Variants in ITGB5 observed in about 807,000 individuals in gnomAD.
The protein encoded by ITGB5 is integrin beta-5.
ITGB5 carries 38 observed loss-of-function variants against 84.8 expected under a neutral mutation model. That is an observed-to-expected ratio of 0.45 (90% CI 0.35 to 0.59). The LOEUF (loss-of-function observed/expected upper bound fraction) is 0.59. Ranked by LOEUF, ITGB5 falls within the 20% of genes least tolerant of loss-of-function variation. The pLI is 0.01. For missense variants in ITGB5, 905 were observed against 1,034.5 expected, an observed-to-expected ratio of 0.87 and a Z score of 1.72; for synonymous variants, 393 against 414.4, an observed-to-expected ratio of 0.95 and a Z score of 0.63.
intron 1 of ITGB5, among the ~76,000 whole-genome samples, chr3:124,886,607 C>G (rs999754468): frequency 1.3e-5 from 2 of 152,098 alleles, no homozygotes; most frequent in Non-Finnish European, 1.5e-5. Context: ...GAGCCCGGGC[C>G]CCAAGGCAGG....
At chr3:124,860,998 C>G (rs1270482011) in intron 2 of ITGB5, among the ~76,000 whole-genome samples, 1 of 152,126 alleles carries the variant, frequency 6.6e-6, no homozygotes, top group Non-Finnish European at 1.5e-5. Flanking sequence ...GCTGGGAGTT[C>G]AACGCTGCAG....
intron 4 of ITGB5, among the ~76,000 whole-genome samples, chr3:124,841,983 A>G (rs2107594934): frequency 6.6e-6 from 1 of 152,336 alleles, no homozygotes; most frequent in Middle Eastern, 3.4e-3. Context: ...TACTCCATGC[A>G]ACCAGCTTCT....
At chr3:124,838,760 C>A (rs571987331) in intron 5 of ITGB5, among the ~76,000 whole-genome samples, 1 of 152,240 alleles carries the variant, frequency 6.6e-6, no homozygotes, top group East Asian at 1.9e-4. Context: ...TGCCACCACG[C>A]CCGGCTAATT....
At chr3:124,788,925 A>G (rs543296164) in intron 10 of ITGB5, among the ~76,000 whole-genome samples, 10 of 152,192 alleles carry the variant, frequency 6.6e-5, no homozygotes, top group Non-Finnish European at 1.5e-4. Flanking sequence ...AGGTACTTTT[A>G]GCTCAGACCT....
chr3:124,774,366 A>G (rs750631461), intron 10 of ITGB5, among the ~76,000 whole-genome samples: 5 of 152,116 alleles, frequency 3.3e-5, no homozygotes, highest in Non-Finnish European at 5.9e-5. Flanking sequence ...TGTAATCACC[A>G]AGGTTCTTCT....
At chr3:124,819,121 G>A (rs1294712517) in intron 7 of ITGB5, among the ~76,000 whole-genome samples, 3 of 152,100 alleles carry the variant, frequency 2.0e-5, no homozygotes, top group Admixed American at 6.5e-5. Context: ...AGTTTCTTTA[G>A]ACGGAACAGA....
At chr3:124,824,412 G>C (rs888359736) in intron 5 of ITGB5, among the ~76,000 whole-genome samples, 1 of 152,132 alleles carries the variant, frequency 6.6e-6, no homozygotes, top group Non-Finnish European at 1.5e-5. Context: ...CCTAAACGTA[G>C]ACCTAAAGCT....
chr3:124,887,650 T>C (rs1413451592), upstream of ITGB5: 2 of 447,848 alleles, frequency 4.5e-6, no homozygotes, highest in East Asian at 1.4e-4. Context: ...TCCCGTTGCT[T>C]AGCCGCCCGT....
chr3:124,892,941 A>G (rs1051672929), intron 1 of ITGB5, among the ~76,000 whole-genome samples: 1 of 152,110 alleles, frequency 6.6e-6, no homozygotes, highest in Non-Finnish European at 1.5e-5. Flanking sequence ...GGGCAGAAAA[A>G]CAACTATCCT....
rs1413585861 is a variant in ITGB5 at position 124,848,563 on chromosome 3, A to G, written c.362-5T>C. ...GCTGGAAGGTGGTCTTGTCACCTGC[A>G]CCAACAGAGAGGCCACGTGTGTTAG... On this transcript the variant is annotated splice_polypyrimidine_tract_variant and splice_region_variant and intron_variant, in intron 3 of 14. Transcript: ENST00000296181. 3.1e-6 allele frequency: 5 copies of G among 1,608,002 alleles called. No homozygotes were observed. In the South Asian group the frequency reaches 5.5e-5, roughly 18 times the overall value.
rs146544547 is a variant in ITGB5, at chr3:124,796,607, C to G, written c.1474G>C (p.Gly492Arg). ...CACTCGCACCTGGTGCCCAGGTAGC[C>G]GGGGCTGCACTCACACAGGCCGCAG... ...YVCGLCECSP[G>R]YLGTRCECQD... Residue 492 changes from glycine to arginine, a missense_variant, in exon 10 of 15, where the codon GGC becomes CGC. By Grantham distance (125) the Gly-to-Arg change is moderately radical. Transcript: ENST00000296181. 5.0e-6 allele frequency: 8 copies of G among 1,614,020 alleles called. No homozygotes were observed. In the African/African-American group the frequency reaches 1.1e-4, roughly 22 times the overall value.
intron 1 of ITGB5, 83 bp downstream of exon 1, chr3:124,886,848 G>A (rs1934837014): frequency 1.1e-6 from 1 of 885,354 alleles, no homozygotes; most frequent in East Asian, 3.8e-5. Flanking sequence ...GGCACCGCCT[G>A]CGCTCCCCGC....
chr3:124,829,780 G>A (rs1272547631), intron 5 of ITGB5, among the ~76,000 whole-genome samples: 1 of 152,116 alleles, frequency 6.6e-6, no homozygotes, highest in Non-Finnish European at 1.5e-5. Flanking sequence ...TCCCTTCCAT[G>A]TGCCTACAAA....
chr3:124,785,164 C>A (rs1378808331), intron 10 of ITGB5, among the ~76,000 whole-genome samples: 1 of 152,204 alleles, frequency 6.6e-6, no homozygotes. Context: ...ACATGCCAGT[C>A]TTCTCAGCCG....
In ITGB5 at chr3:124,865,735, G is replaced by A. The variant is rs539355762; in HGVS notation, c.157-6289C>T. On this transcript the variant is annotated intron_variant, in intron 2 of 14. Coordinates refer to ENST00000296181, the MANE Select transcript of ITGB5 (RefSeq NM_002213.5). The stretch of plus-strand genomic sequence containing the variant: ...ACTCCTGGGCTCAAGCAATCCTCTC[G>A]CCTCAGCCTCCCAAAGTGCTGGGAT... Among the ~76,000 whole-genome samples the A allele has an allele frequency of 9.2e-5, 14 of 151,964 alleles. No individual in the cohort carries two copies. The East Asian group carries it at 1.5e-3, about 17-fold the overall frequency.
At chr3:124,776,263 GCAC>G (rs201517239) in intron 10 of ITGB5, among the ~76,000 whole-genome samples, 1,995 of 152,322 alleles carry the variant, frequency 0.013, 22 homozygotes, top group South Asian at 0.045. Flanking sequence ...TCTGGGACCA[GCAC>G]CACTTTTGAG....
rs182105868 is a variant in ITGB5, at chr3:124,814,871, C to G, written c.1128+2750G>C. ...AGAATCAAGCGACAGTGCTAGGTTC[C>G]CACAGTTCCTCTGGGAATTCGTGCC... On this transcript the variant is annotated intron_variant, in intron 8 of 14. Transcript: ENST00000296181. 3.5e-3 allele frequency among the ~76,000 whole-genome samples: 527 copies of G among 152,252 alleles called. 4 individuals carry two copies. The highest frequency in any genetic ancestry group is 0.012 in the African/African-American group (504 of 41,534).
chr3:124,769,254 T>G, intron 11 of ITGB5, 141 bp from the exon 12 acceptor site: 2 of 641,224 alleles, frequency 3.1e-6, no homozygotes, highest in Non-Finnish European at 5.4e-6. Context: ...GGAATGTTTC[T>G]GCTCTGCCTT....
rs772784328 is a variant in ITGB5 at position 124,762,884 on chromosome 3, C to T, written c.*739G>A. The T allele has an allele frequency of 1.3e-5, 2 of 152,208 alleles. No individual in the cohort carries two copies. The highest frequency in any genetic ancestry group is 1.9e-4 in the East Asian group (1 of 5,200). 9.4% of individuals were successfully genotyped at this position (152,208 alleles called of 1,614,324 possible). A position where few individuals can be genotyped will look rare whatever the true frequency, so the allele number is the denominator to read the frequency against. On this transcript the variant is annotated 3_prime_UTR_variant, in exon 15 of 15. Coordinates refer to ENST00000296181, the MANE Select transcript of ITGB5 (RefSeq NM_002213.5). Reference sequence around the variant, plus strand: ...TCCCATCCCTGAGGAAGTACACGGCCGCTTCAATCCCCACTGGGGGCACCA... The same window carrying T: ...TCCCATCCCTGAGGAAGTACACGGCTGCTTCAATCCCCACTGGGGGCACCA...
Sources: allele counts gnomAD v4.1 joint callset (sites outside exome capture counted in the v4.1 genomes callset), GRCh38; gene constraint gnomAD v4.1.1; transcripts MANE v1.5; gene names NCBI Gene and HGNC (gene_info 2026-07-23, HGNC 2026-07-21).